SPECC1: variants seen among roughly 807,000 people sequenced by gnomAD.
SPECC1 encodes cytospin-B.
Under a neutral mutation model 104.1 loss-of-function variants are expected in SPECC1, and 62 were observed. The observed-to-expected ratio is 0.60, with a 90% CI of 0.49 to 0.74. The LOEUF is 0.74. SPECC1 is among the 30% of genes least tolerant of loss of function. SPECC1 has a pLI of 0.00. For synonymous variants in SPECC1, 513 were observed against 501.6 expected (o/e 1.02, Z -0.30); for missense variants, 1,306 against 1,310.5 (o/e 1.00, Z 0.05).
chr17:20,139,768 C>T (rs573925485), intron 3 of SPECC1, among the ~76,000 whole-genome samples: 6 of 152,212 alleles, frequency 3.9e-5, no homozygotes, highest in South Asian at 4.1e-4. Flanking sequence ...TCCGCCTCCC[C>T]GGTTCAAGCA....
In SPECC1 at chr17:20,038,575, G is replaced by GT. The variant is rs1284137781; in HGVS notation, c.-22+29157dup. On this transcript the variant is annotated intron_variant, in intron 1 of 14. Coordinates refer to ENST00000395527, the MANE Select transcript of SPECC1 (RefSeq NM_001243439.2). ...CCACTGCGCTTGGCTACTTTTTGTAGTTTTTTAGTTGAGACGGGGTTTCAC... is the reference window on the plus strand; with the variant it reads ...CCACTGCGCTTGGCTACTTTTTGTAGTTTTTTTAGTTGAGACGGGGTTTCAC... Among the ~76,000 whole-genome samples the GT allele has an allele frequency of 5.9e-5, 9 of 151,906 alleles. No homozygotes were observed. In the East Asian group the frequency reaches 1.2e-3, roughly 20 times the overall value.
intron 4 of SPECC1, among the ~76,000 whole-genome samples, chr17:20,226,768 C>T (rs2038234805): frequency 6.6e-6 from 1 of 152,186 alleles, no homozygotes; most frequent in Non-Finnish European, 1.5e-5. Flanking sequence ...CTTCCGCCGA[C>T]ATTCTCTATC....
At chr17:20,195,490 C>T (rs562174810) in intron 3 of SPECC1, among the ~76,000 whole-genome samples, 2 of 152,220 alleles carry the variant, frequency 1.3e-5, no homozygotes, top group Non-Finnish European at 2.9e-5. Flanking sequence ...GATTATGCTT[C>T]CTGTATGATT....
At chr17:20,224,111 C>T (rs1046732559) in intron 4 of SPECC1, among the ~76,000 whole-genome samples, 5 of 152,336 alleles carry the variant, frequency 3.3e-5, no homozygotes, top group African/African-American at 1.2e-4. Context: ...GAGGTATCAC[C>T]TTGGTGATCC....
chr17:20,063,941 G>A (rs1269906820), intron 1 of SPECC1, among the ~76,000 whole-genome samples: 1 of 152,230 alleles, frequency 6.6e-6, no homozygotes, highest in Non-Finnish European at 1.5e-5. Context: ...TAGAGGTGCT[G>A]AGGGCCAAAT....
At chr17:20,150,288 TC>T (rs2031879636) in intron 3 of SPECC1, among the ~76,000 whole-genome samples, 1 of 151,152 alleles carries the variant, frequency 6.6e-6, no homozygotes, top group Non-Finnish European at 1.5e-5. Flanking sequence ...CGGCCTTTTT[TC>T]TTTTTTTTTT....
chr17:20,128,156 T>C (rs2049416746), intron 3 of SPECC1, among the ~76,000 whole-genome samples: 1 of 152,184 alleles, frequency 6.6e-6, no homozygotes, highest in Non-Finnish European at 1.5e-5. Context: ...TAGTGGAGAT[T>C]GCTGCCTTAA....
rs546476072 is a variant in SPECC1 at position 20,130,352 on chromosome 17, C to T, written c.283+19790C>T. The stretch of plus-strand genomic sequence containing the variant: ...CCAGAGGATGGCAGCCTGGACAACA[C>T]GGCAAGATCCCGTCTCTACAAGAAA... On this transcript the variant is annotated intron_variant, in intron 3 of 14. Coordinates refer to ENST00000395527, the MANE Select transcript of SPECC1 (RefSeq NM_001243439.2). Among the ~76,000 whole-genome samples, 24 of 152,174 alleles carry T rather than the reference C, an allele frequency of 1.6e-4. No individual in the cohort carries two copies. The South Asian group carries it at 3.5e-3, about 22-fold the overall frequency.
intron 2 of SPECC1, among the ~76,000 whole-genome samples, chr17:20,099,202 C>T (rs1321218925): frequency 6.6e-6 from 1 of 152,026 alleles, no homozygotes; most frequent in East Asian, 1.9e-4. Context: ...ACATCATTTC[C>T]ATTATTTTTG....
chr17:20,241,581 C>A (rs2039205013), intron 7 of SPECC1, among the ~76,000 whole-genome samples: 1 of 152,142 alleles, frequency 6.6e-6, no homozygotes, highest in Non-Finnish European at 1.5e-5. Context: ...AGAAATTCTT[C>A]AGAATCTAAG....
intron 1 of SPECC1, among the ~76,000 whole-genome samples, chr17:20,044,330 G>C (rs1174900956): frequency 1.3e-5 from 2 of 152,158 alleles, no homozygotes; most frequent in Non-Finnish European, 2.9e-5. Context: ...GATTCAGTTT[G>C]AACATTTAGA....
chr17:20,092,493 G>A (rs563247151), intron 1 of SPECC1, among the ~76,000 whole-genome samples: 1 of 152,260 alleles, frequency 6.6e-6, no homozygotes, highest in Admixed American at 6.5e-5. Context: ...CCCTGCAGGT[G>A]TGTTTCCCTC....
intron 4 of SPECC1, among the ~76,000 whole-genome samples, chr17:20,217,626 G>A (rs2037585712): frequency 6.6e-6 from 1 of 152,204 alleles, no homozygotes; most frequent in Non-Finnish European, 1.5e-5. Flanking sequence ...CATGCAGCCA[G>A]GTAGTTATGC....
At position 20,009,687 on chromosome 17, in the gene SPECC1, G is replaced by C. The variant is rs1054056193; in HGVS notation, c.-22+263G>C. ...TGGGACCGGTGCCGCAGGTGGCAGCGGCAGGTGGCCGCCTCCTCCCCTCCG... is the reference window on the plus strand; with the variant it reads ...TGGGACCGGTGCCGCAGGTGGCAGCCGCAGGTGGCCGCCTCCTCCCCTCCG... On this transcript the variant is annotated intron_variant, in intron 1 of 14. Transcript: ENST00000395527. The surrounding 1 kb of genome is among the most constrained non-coding windows in gnomAD (Gnocchi z 5.2). Among the ~76,000 whole-genome samples the C allele has an allele frequency of 6.6e-6, 1 of 152,100 alleles. No individual in the cohort carries two copies. Among genetic ancestry groups the C allele is most frequent in the African/African-American group, 2.4e-5 (1 of 41,434 alleles).
Position 20,314,700 on chromosome 17 carries a change from C to CCCCCCCCCA in SPECC1, c.*635_*636insCCCCCCCCA. ...AACCCTCCCTTCCCCCCTCCCCCCC[C>CCCCCCCCCA]AAAAAAAAACAACAAAACACAAAAA... On this transcript the variant is annotated 3_prime_UTR_variant, in exon 15 of 15. Coordinates refer to ENST00000395527, the MANE Select transcript of SPECC1 (RefSeq NM_001243439.2). 1 of 188,852 alleles carries CCCCCCCCCA rather than the reference C, an allele frequency of 5.3e-6. No homozygotes were observed. The highest frequency in any genetic ancestry group is 2.7e-5 in the African/African-American group (1 of 37,352). 11.7% of individuals were successfully genotyped at this position (188,852 alleles called of 1,614,324 possible). A position where few individuals can be genotyped will look rare whatever the true frequency, so the allele number is the denominator to read the frequency against.
At chr17:20,173,785 A>G (rs985678831) in intron 3 of SPECC1, among the ~76,000 whole-genome samples, 6 of 152,242 alleles carry the variant, frequency 3.9e-5, no homozygotes, top group African/African-American at 1.4e-4. Flanking sequence ...TTTGCCTTAC[A>G]GTGTTTAAAG....
rs547675203 is a variant in SPECC1 at position 20,260,118 on chromosome 17, A to T, written c.2838-74A>T. On this transcript the variant is annotated intron_variant, in intron 11 of 14. Transcript: ENST00000395527. ...AGACTTTTGCTTTTCTAAAGTAGGT[A>T]TTTATTTCTTGTGTATTTGAGAATT... 55 of 1,215,328 alleles carry T rather than the reference A, an allele frequency of 4.5e-5. No individual in the cohort carries two copies. In the East Asian group the frequency reaches 1.3e-3, roughly 29 times the overall value. 75.3% of individuals were successfully genotyped at this position (1,215,328 alleles called of 1,614,324 possible). A position where few individuals can be genotyped will look rare whatever the true frequency, so the allele number is the denominator to read the frequency against.
chr17:20,197,139 G>T (rs1477712478), intron 3 of SPECC1, among the ~76,000 whole-genome samples: 1 of 152,210 alleles, frequency 6.6e-6, no homozygotes, highest in African/African-American at 2.4e-5. Flanking sequence ...GCTTTAAGGT[G>T]GAGCCGTTGG....
At chr17:20,063,404 G>T (rs72830109) in intron 1 of SPECC1, among the ~76,000 whole-genome samples, 15,270 of 152,046 alleles carry the variant, frequency 0.1, 948 homozygotes, top group African/African-American at 0.17. Context: ...CCTAATTTGG[G>T]TACCTTCCTT....
Sources: gnomAD v4.1 joint callset for allele counts (sites outside exome capture counted in the v4.1 genomes callset) on GRCh38, gnomAD v4.1.1 for gene constraint, Gnocchi (gnomAD v3.1) non-coding constraint, MANE v1.5 for transcripts, NCBI Gene and HGNC (gene_info 2026-07-23, HGNC 2026-07-21) for gene names.